The following MYO3B variants were observed in gnomAD, a reference collection of about 807,000 sequenced individuals.
MYO3B encodes myosin IIIB.
In MYO3B, 156 loss-of-function variants were observed where a neutral mutation model predicts 174.6. The observed-to-expected ratio is 0.89, with a 90% CI of 0.78 to 1.02. The LOEUF (loss-of-function observed/expected upper bound fraction) is 1.02. Among genes scored for constraint, MYO3B ranks in the 50% least tolerant of loss-of-function variants. MYO3B has a pLI of 0.00. For synonymous variants in MYO3B, 563 were observed against 569.1 expected (o/e 0.99, Z 0.15); for missense variants, 1,632 against 1,639.4 (o/e 1.00, Z 0.08).
At chr2:170,335,874 C>T (rs141348083) in intron 8 of MYO3B, among the ~76,000 whole-genome samples, 8 of 152,190 alleles carry the variant, frequency 5.3e-5, no homozygotes, top group Non-Finnish European at 1.0e-4. Flanking sequence ...GAACAAGGGT[C>T]CAGTTTCCAA....
chr2:170,503,886 T>C (rs1687447513), intron 28 of MYO3B, among the ~76,000 whole-genome samples: 1 of 152,114 alleles, frequency 6.6e-6, no homozygotes, highest in African/African-American at 2.4e-5. Flanking sequence ...GGTGCGCTGG[T>C]TTTGTGTTGG....
At chr2:170,414,453 T>G (rs935951260) in intron 22 of MYO3B, among the ~76,000 whole-genome samples, 1 of 152,088 alleles carries the variant, frequency 6.6e-6, no homozygotes, top group Admixed American at 6.6e-5. Flanking sequence ...TCCCAAAGTG[T>G]GGGGATTATA....
intron 1 of MYO3B, among the ~76,000 whole-genome samples, chr2:170,187,265 C>G (rs959982647): frequency 5.3e-5 from 8 of 152,010 alleles, no homozygotes; most frequent in African/African-American, 1.9e-4. Context: ...TGGAGTCTTG[C>G]TCTGTTTCCC....
chr2:170,319,239 G>A (rs2093797918), intron 7 of MYO3B, among the ~76,000 whole-genome samples: 2 of 152,194 alleles, frequency 1.3e-5, no homozygotes, highest in African/African-American at 2.4e-5. Context: ...GAGAAGCCAA[G>A]TAAATTGTTT....
intron 8 of MYO3B, among the ~76,000 whole-genome samples, chr2:170,342,899 G>T (rs950496873): frequency 1.3e-5 from 2 of 152,096 alleles, no homozygotes; most frequent in African/African-American, 4.8e-5. Flanking sequence ...GGTCTGTGCT[G>T]CTATTCTGAA....
intron 7 of MYO3B, among the ~76,000 whole-genome samples, chr2:170,331,530 T>C (rs2093911617): frequency 6.6e-6 from 1 of 152,014 alleles, no homozygotes; most frequent in African/African-American, 2.4e-5. Flanking sequence ...GTGTATTAGT[T>C]TTCTATTACC....
intron 5 of MYO3B, among the ~76,000 whole-genome samples, chr2:170,216,590 A>G (rs1351561276): frequency 6.6e-6 from 1 of 152,220 alleles, no homozygotes; most frequent in Non-Finnish European, 1.5e-5. Flanking sequence ...GGTCCCCAAC[A>G]TTGAGCCCCA....
chr2:170,498,196 C>A (rs1687008188), intron 25 of MYO3B, among the ~76,000 whole-genome samples: 1 of 152,012 alleles, frequency 6.6e-6, no homozygotes, highest in Non-Finnish European at 1.5e-5. Context: ...CGGGACTTTG[C>A]AAAGCAGAGT....
chr2:170,601,023 G>A (rs547601273), intron 32 of MYO3B, among the ~76,000 whole-genome samples: 1 of 152,124 alleles, frequency 6.6e-6, no homozygotes, highest in African/African-American at 2.4e-5. Flanking sequence ...TGATATGCAG[G>A]GTGCATAGAC....
At chr2:170,597,746 A>G (rs1694245323) in intron 32 of MYO3B, among the ~76,000 whole-genome samples, 1 of 152,232 alleles carries the variant, frequency 6.6e-6, no homozygotes, top group Non-Finnish European at 1.5e-5. Flanking sequence ...GGACAAGTAG[A>G]TATAATAATA....
chr2:170,565,917 AG>A (rs1470926618), intron 32 of MYO3B, among the ~76,000 whole-genome samples: 1 of 152,210 alleles, frequency 6.6e-6, no homozygotes, highest in Non-Finnish European at 1.5e-5. Flanking sequence ...AGATGGTCTC[AG>A]GCCCTACTGA....
At chr2:170,456,386 G>T (rs7575894) in intron 23 of MYO3B, among the ~76,000 whole-genome samples, 1 of 152,118 alleles carries the variant, frequency 6.6e-6, no homozygotes, top group Non-Finnish European at 1.5e-5. Flanking sequence ...GTGGGTCTAG[G>T]CTTTAGGCAG....
At chr2:170,274,089 CGAGAGA>C (rs111859976) in intron 7 of MYO3B, among the ~76,000 whole-genome samples, 5,220 of 147,700 alleles carry the variant, frequency 0.035, 276 homozygotes, top group African/African-American at 0.12. Flanking sequence ...AAGCAAACTA[CGAGAGA>C]GAGAGAGAGA....
chr2:170,421,787 T>G (rs1423415389), intron 22 of MYO3B, among the ~76,000 whole-genome samples: 1 of 152,240 alleles, frequency 6.6e-6, no homozygotes. Flanking sequence ...ACGTGTATGA[T>G]GTGGCTGTGG....
At chr2:170,557,142 ATT>A (rs369628260) in intron 32 of MYO3B, among the ~76,000 whole-genome samples, 2 of 137,560 alleles carry the variant, frequency 1.5e-5, no homozygotes, top group African/African-American at 2.9e-5. Context: ...TTTTATTTTT[ATT>A]TTTATTTTTT....
chr2:170,514,966 C>A lies in MYO3B; in HGVS notation c.3416C>A (p.Ala1139Glu), dbSNP rs1575101864. Residue 1139 changes from alanine (A) to glutamate (E), a missense_variant, in exon 29 of 35, where the codon GCA (alanine) becomes GAA (glutamate). By Grantham distance (107) the Ala-to-Glu change is moderately radical. Transcript: ENST00000408978. ...AGTGGGCCACATTCCCCCGTCGCAGCAGGTACGAGGGGAAGTGCCGAGGTT... is the reference window on the plus strand; with the variant it reads ...AGTGGGCCACATTCCCCCGTCGCAGAAGGTACGAGGGGAAGTGCCGAGGTT... ...QSSGPHSPVA[A>E]GTRGSAEVQD... is the part of the protein sequence containing the mutation. The A allele has an allele frequency of 1.9e-6, 3 of 1,614,014 alleles. No individual in the cohort carries two copies. The East Asian group carries it at 6.7e-5, about 36-fold the overall frequency.
intron 25 of MYO3B, among the ~76,000 whole-genome samples, chr2:170,474,083 G>A (rs35420963): frequency 0.033 from 4,952 of 152,268 alleles, 115 homozygotes; most frequent in Non-Finnish European, 0.05. Context: ...CAATCAAACA[G>A]TTTTACCAAG....
chr2:170,357,524 A>C (rs1423734302), intron 8 of MYO3B, among the ~76,000 whole-genome samples: 2 of 151,794 alleles, frequency 1.3e-5, no homozygotes, highest in African/African-American at 4.8e-5. Context: ...ATTCCAGGGT[A>C]TCTTTCTTCC....
At chr2:170,243,814 G>A (rs965107675) in intron 7 of MYO3B, among the ~76,000 whole-genome samples, 8 of 152,292 alleles carry the variant, frequency 5.3e-5, no homozygotes, top group Non-Finnish European at 7.4e-5. Context: ...ATTGATGATT[G>A]TATGAGGAAT....
Sources: gnomAD v4.1 joint callset for allele counts (sites outside exome capture counted in the v4.1 genomes callset) on GRCh38, gnomAD v4.1.1 for gene constraint, MANE v1.5 for transcripts, NCBI Gene and HGNC (gene_info 2026-07-23, HGNC 2026-07-21) for gene names.